The following AFF3 variants were observed in gnomAD, a reference collection of about 807,000 sequenced individuals.
AFF3 encodes ALF transcription elongation factor 3, also known as AF4/FMR2 family member 3.
AFF3 carries 32 observed loss-of-function variants against 129.7 expected under a neutral mutation model. The observed-to-expected ratio is 0.25, with a 90% confidence interval of 0.19 to 0.33. The LOEUF is 0.33. AFF3 is among the 10% of genes least tolerant of loss of function. The probability of loss-of-function intolerance (pLI) is 1.00; values close to 1 mark genes in which losing one functional copy is unlikely to be tolerated. For synonymous variants in AFF3, 644 were observed against 635.4 expected (o/e 1.01, Z -0.20); for missense variants, 1,373 against 1,592.0 (o/e 0.86, Z 2.34).
chr2:99,692,931 C>G (rs1241229353), intron 11 of AFF3, among the ~76,000 whole-genome samples: 1 of 152,230 alleles, frequency 6.6e-6, no homozygotes, highest in Non-Finnish European at 1.5e-5. Context: ...ACTCTCTGAA[C>G]AGGTACCTCT....
chr2:99,649,918 G>T (rs1023532533), intron 12 of AFF3, among the ~76,000 whole-genome samples: 1 of 152,172 alleles, frequency 6.6e-6, no homozygotes. Context: ...TTGTCGGGGG[G>T]GCAAAGGACT....
intron 13 of AFF3, among the ~76,000 whole-genome samples, chr2:99,630,378 CT>C (rs1371712123): frequency 6.6e-6 from 1 of 152,146 alleles, no homozygotes; most frequent in African/African-American, 2.4e-5. Flanking sequence ...AGGATACAGT[CT>C]TTACTGCTTC....
At chr2:100,076,435 C>T (rs1688595232) in intron 4 of AFF3, among the ~76,000 whole-genome samples, 1 of 152,172 alleles carries the variant, frequency 6.6e-6, no homozygotes, top group African/African-American at 2.4e-5. Flanking sequence ...ATACACGTCA[C>T]CCCAACATGG....
At chr2:99,963,416 T>G (rs181095777) in intron 7 of AFF3, among the ~76,000 whole-genome samples, 1 of 152,168 alleles carries the variant, frequency 6.6e-6, no homozygotes, top group East Asian at 1.9e-4. Context: ...TGGTACACAA[T>G]GTATATACAG....
chr2:99,585,102 GATGCTGATGCTGAAGATA>G (rs1321942947), intron 16 of AFF3, among the ~76,000 whole-genome samples: 1 of 152,344 alleles, frequency 6.6e-6, no homozygotes, highest in Non-Finnish European at 1.5e-5. Flanking sequence ...TGATGGCTAA[GATGCTGATGCTGAAGATA>G]ATGCGAACAG....
chr2:99,593,425 C>T lies in AFF3; in HGVS notation c.2236G>A (p.Val746Ile). 6.2e-7 allele frequency: 1 copy of T among 1,614,030 alleles called. No individual in the cohort carries two copies. The highest frequency in any genetic ancestry group is 8.5e-7 in the Non-Finnish European group (1 of 1,180,006). Residue 746 changes from valine (V) to isoleucine (I), a missense_variant, in exon 15 of 25, where the codon GTC becomes ATC. Physicochemically the swap from Val to Ile is conservative, Grantham distance 29 (BLOSUM62 3). Coordinates refer to ENST00000672756, the MANE Select transcript of AFF3 (RefSeq NM_001386135.1). ...AGAAGTTCGTTCCGGCCAAAGGGGACCAGTGTGTAGAACTGCTCCTCCAGC... is the reference window on the plus strand; with the variant it reads ...AGAAGTTCGTTCCGGCCAAAGGGGATCAGTGTGTAGAACTGCTCCTCCAGC... ...KELEEQFYTL[V>I]PFGRNELLSP...
intron 7 of AFF3, among the ~76,000 whole-genome samples, chr2:99,977,883 G>GT (rs1209633068): frequency 6.6e-6 from 1 of 152,206 alleles, no homozygotes; most frequent in Non-Finnish European, 1.5e-5. Context: ...AAAGCTCCCA[G>GT]TATTTGCCCA....
intron 13 of AFF3, among the ~76,000 whole-genome samples, chr2:99,615,461 A>G (rs1297071655): frequency 1.3e-5 from 2 of 152,246 alleles, no homozygotes; most frequent in Non-Finnish European, 2.9e-5. Flanking sequence ...AGAGACACTG[A>G]GTTGAAAAGC....
At chr2:99,746,822 A>C (rs925936302) in intron 9 of AFF3, among the ~76,000 whole-genome samples, 1 of 152,114 alleles carries the variant, frequency 6.6e-6, no homozygotes, top group African/African-American at 2.4e-5. Context: ...AAATACTTTG[A>C]GTCCCATTTA....
At chr2:100,045,127 G>A (rs1286430061) in intron 4 of AFF3, among the ~76,000 whole-genome samples, 4 of 152,122 alleles carry the variant, frequency 2.6e-5, no homozygotes, top group Non-Finnish European at 5.9e-5. Context: ...GAAAGGAAGG[G>A]GAGGGGGACT....
At chr2:100,113,431 A>G (rs1488490477) in intron 2 of AFF3, among the ~76,000 whole-genome samples, 1 of 152,256 alleles carries the variant, frequency 6.6e-6, no homozygotes, top group African/African-American at 2.4e-5. Context: ...ACATGGTCTC[A>G]TGAAACAGGC....
intron 7 of AFF3, among the ~76,000 whole-genome samples, chr2:99,972,115 A>G (rs1358135638): frequency 6.6e-6 from 1 of 152,214 alleles, no homozygotes; most frequent in Non-Finnish European, 1.5e-5. Context: ...ACCAGGGACC[A>G]AAAGCAGGGG....
intron 7 of AFF3, among the ~76,000 whole-genome samples, chr2:99,893,244 C>A (rs1242381084): frequency 6.6e-6 from 1 of 152,220 alleles, no homozygotes; most frequent in Non-Finnish European, 1.5e-5. Flanking sequence ...TCAGAACCTT[C>A]CACAACAGGA....
intron 7 of AFF3, among the ~76,000 whole-genome samples, chr2:99,947,708 C>A (rs1396514037): frequency 6.6e-6 from 1 of 151,766 alleles, no homozygotes; most frequent in African/African-American, 2.4e-5. Flanking sequence ...TGAGTGAATA[C>A]ATTACAGGAA....
chr2:99,631,112 G>A (rs1683079666), intron 13 of AFF3: 1 of 312,624 alleles, frequency 3.2e-6, no homozygotes, highest in Admixed American at 4.4e-5. Context: ...GGAGTGCCTG[G>A]ACGTGTGATC....
chr2:99,717,872 G>A (rs1388725536), intron 11 of AFF3, among the ~76,000 whole-genome samples: 1 of 152,130 alleles, frequency 6.6e-6, no homozygotes, highest in Non-Finnish European at 1.5e-5. Flanking sequence ...TCAATTGTGT[G>A]TGGTATGAGA....
At chr2:99,677,637 CG>C (rs1674122930) in intron 11 of AFF3, among the ~76,000 whole-genome samples, 1 of 152,056 alleles carries the variant, frequency 6.6e-6, no homozygotes, top group African/African-American at 2.4e-5. Context: ...GCAGGAGCTC[CG>C]TAGAGGAAAG....
At position 100,050,745 on chromosome 2, in the gene AFF3, C is replaced by T. The variant is rs1686252508; in HGVS notation, c.54-41813G>A. 2.6e-5 allele frequency among the ~76,000 whole-genome samples: 4 copies of T among 152,260 alleles called. No homozygotes were observed. In the South Asian group the frequency reaches 8.3e-4, roughly 32 times the overall value. On this transcript the variant is annotated intron_variant, in intron 4 of 24. Coordinates refer to ENST00000672756, the MANE Select transcript of AFF3 (RefSeq NM_001386135.1). ...AGCACCCTAAAGGGCAGATCATTAC[C>T]CCCTCATCTCCCAGCAGTCCCTGCT...
At chr2:99,933,185 G>C (rs1248931501) in intron 7 of AFF3, among the ~76,000 whole-genome samples, 1 of 151,948 alleles carries the variant, frequency 6.6e-6, no homozygotes, top group Non-Finnish European at 1.5e-5. Context: ...CTCTGTCTTT[G>C]AATTCTATGA....
Sources: allele counts gnomAD v4.1 joint callset (sites outside exome capture counted in the v4.1 genomes callset), GRCh38; gene constraint gnomAD v4.1.1; transcripts MANE v1.5; gene names NCBI Gene and HGNC (gene_info 2026-07-23, HGNC 2026-07-21).